The following VAV3 variants were observed in gnomAD, a reference collection of about 807,000 sequenced individuals.
The protein encoded by VAV3 is guanine nucleotide exchange factor VAV3.
Under a neutral mutation model 131.2 loss-of-function variants are expected in VAV3, and 94 were observed. The observed-to-expected ratio is 0.72, with a 90% CI of 0.61 to 0.85. The LOEUF (loss-of-function observed/expected upper bound fraction) is 0.85, where lower values mean the gene tolerates loss of function less well. Among genes scored for constraint, VAV3 ranks in the 40% least tolerant of loss-of-function variants. The pLI is 0.00. For synonymous variants in VAV3, 349 were observed against 342.0 expected (o/e 1.02, Z -0.22); for missense variants, 939 against 1,002.7 (o/e 0.94, Z 0.86).
At chr1:107,823,074 A>G (rs934973324) in intron 2 of VAV3, among the ~76,000 whole-genome samples, 2 of 152,190 alleles carry the variant, frequency 1.3e-5, no homozygotes. Flanking sequence ...AAGAGACAAG[A>G]AAAGTAATAT....
rs561095184 is a variant in VAV3 at position 107,678,477 on chromosome 1, G to C, written c.1777+5011C>G. 1.7e-3 allele frequency among the ~76,000 whole-genome samples: 257 copies of C among 152,164 alleles called. 1 individual carries two copies. Among genetic ancestry groups the C allele is most frequent in the Non-Finnish European group, 3.0e-3 (203 of 67,966 alleles). ...TGTCTCCCTCATAAAAAAGAAAAGA[G>C]ATAAAATGTATTTTTAGATAAGTGC... On this transcript the variant is annotated intron_variant, in intron 19 of 26. Transcript: ENST00000370056.
At chr1:107,840,376 C>G (rs909577886) in intron 2 of VAV3, among the ~76,000 whole-genome samples, 1 of 152,122 alleles carries the variant, frequency 6.6e-6, no homozygotes, top group Non-Finnish European at 1.5e-5. Flanking sequence ...TTGATTGGCA[C>G]CACTTAAAGA....
chr1:107,692,497 TC>T (rs1659489351), intron 17 of VAV3, among the ~76,000 whole-genome samples: 3 of 152,172 alleles, frequency 2.0e-5, no homozygotes, highest in Non-Finnish European at 4.4e-5. Context: ...GGTTATGAAA[TC>T]AATGGTCAAT....
At chr1:107,964,299 C>A (rs3747946) in intron 1 of VAV3, 6,304 of 195,542 alleles carry the variant, frequency 0.032, 153 homozygotes, top group East Asian at 0.1. Flanking sequence ...ACCCCATCAC[C>A]TCGTTTCGTC....
chr1:107,712,181 T>C (rs1368084123), intron 15 of VAV3, among the ~76,000 whole-genome samples: 3 of 152,168 alleles, frequency 2.0e-5, no homozygotes, highest in Admixed American at 6.6e-5. Flanking sequence ...GACAAATGAT[T>C]ATAAAATACA....
intron 9 of VAV3, among the ~76,000 whole-genome samples, chr1:107,764,686 C>A (rs1226159246): frequency 6.6e-6 from 1 of 152,168 alleles, no homozygotes; most frequent in Non-Finnish European, 1.5e-5. Context: ...CCCTGCCCAG[C>A]TAACTAGTAA....
chr1:107,775,302 T>G (rs1665290771), intron 4 of VAV3, among the ~76,000 whole-genome samples: 1 of 151,944 alleles, frequency 6.6e-6, no homozygotes, highest in South Asian at 2.1e-4. Flanking sequence ...GAATATCGAC[T>G]GGGCACAGTG....
At chr1:107,953,112 A>C (rs1557944073) in intron 1 of VAV3, among the ~76,000 whole-genome samples, 1 of 152,150 alleles carries the variant, frequency 6.6e-6, no homozygotes. Flanking sequence ...TGGCAGCAGG[A>C]ACGGGAAACT....
intron 20 of VAV3, among the ~76,000 whole-genome samples, chr1:107,629,176 C>T (rs1654256405): frequency 6.6e-6 from 1 of 152,180 alleles, no homozygotes; most frequent in South Asian, 2.1e-4. Context: ...ACAGAATCCT[C>T]ACTGTTTCAC....
intron 15 of VAV3, among the ~76,000 whole-genome samples, chr1:107,734,301 A>G (rs1051652213): frequency 3.3e-5 from 5 of 152,198 alleles, no homozygotes; most frequent in African/African-American, 9.7e-5. Context: ...CACTCCACCA[A>G]CTAACGGGCA....
At chr1:107,791,689 T>C (rs78951840) in intron 2 of VAV3, among the ~76,000 whole-genome samples, 1 of 152,196 alleles carries the variant, frequency 6.6e-6, no homozygotes, top group East Asian at 1.9e-4. Context: ...GATTCTAGTA[T>C]GCAGCCAGGG....
intron 2 of VAV3, among the ~76,000 whole-genome samples, chr1:107,806,803 A>T (rs986938367): frequency 2.6e-5 from 4 of 152,140 alleles, no homozygotes; most frequent in Non-Finnish European, 5.9e-5. Flanking sequence ...TGCATGGAGG[A>T]TTTGTTCCAG....
chr1:107,935,777 C>T (rs1673682594), intron 1 of VAV3, among the ~76,000 whole-genome samples: 1 of 152,104 alleles, frequency 6.6e-6, no homozygotes, highest in African/African-American at 2.4e-5. Context: ...ATTACCTATG[C>T]TGTATTTTGC....
Position 107,626,217 on chromosome 1 carries a change from C to T in VAV3, c.1915-8585G>A, listed in dbSNP as rs375038342. On this transcript the variant is annotated intron_variant, in intron 20 of 26. Transcript: ENST00000370056. ...AGGAGGCCTGCCAATTCCCATACTA[C>T]AGTCTGTACACTTGGAAACATTCCT... Among the ~76,000 whole-genome samples the T allele has an allele frequency of 4.6e-5, 7 of 152,296 alleles. No individual in the cohort carries two copies. In the South Asian group the frequency reaches 1.4e-3, roughly 32 times the overall value.
intron 2 of VAV3, chr1:107,785,642 C>A: frequency 1.8e-6 from 2 of 1,123,000 alleles, no homozygotes; most frequent in Non-Finnish European, 1.1e-6. Context: ...GAGCAAGTGC[C>A]CTGTGGGGTT....
chr1:107,609,113 C>T (rs1368669729), intron 22 of VAV3, among the ~76,000 whole-genome samples: 2 of 63,686 alleles, frequency 3.1e-5, no homozygotes, highest in Non-Finnish European at 7.9e-5. Context: ...ACAACAGTCA[C>T]CACCACTTTT....
intron 1 of VAV3, among the ~76,000 whole-genome samples, chr1:107,931,884 G>A (rs758155255): frequency 3.5e-4 from 54 of 152,202 alleles, no homozygotes; most frequent in Non-Finnish European, 7.2e-4. Flanking sequence ...TTTCAAATTT[G>A]TGCTTTGAAC....
In VAV3 at chr1:107,738,889, A is replaced by G. The variant is rs185106875; in HGVS notation, c.1502+10079T>C. Among the ~76,000 whole-genome samples, 257 of 152,330 alleles carry G rather than the reference A, an allele frequency of 1.7e-3. 2 individuals are homozygous for G. Among genetic ancestry groups the G allele is most frequent in the Non-Finnish European group, 5.4e-4 (37 of 68,032 alleles). ...AGCAAATCTCTACACTACTCAGACA[A>G]GCCGGAGACAGTAGCACAGTAACCA... On this transcript the variant is annotated intron_variant, in intron 15 of 26. Coordinates refer to ENST00000370056, the MANE Select transcript of VAV3 (RefSeq NM_006113.5).
chr1:107,774,913 CT>C (rs375088872), intron 4 of VAV3, among the ~76,000 whole-genome samples: 1,990 of 130,664 alleles, frequency 0.015, 37 homozygotes, highest in African/African-American at 0.049. Flanking sequence ...AATACATTTG[CT>C]TTTTTTTTTT....
Sources: gnomAD v4.1 joint callset for allele counts (sites outside exome capture counted in the v4.1 genomes callset) on GRCh38, gnomAD v4.1.1 for gene constraint, MANE v1.5 for transcripts, NCBI Gene and HGNC (gene_info 2026-07-23, HGNC 2026-07-21) for gene names.